The following POLDIP2 variants were observed in gnomAD, a reference collection of about 807,000 sequenced individuals.
POLDIP2 encodes the protein DNA polymerase delta interacting protein 2, also known as polymerase delta-interacting protein 2.
A neutral mutation model predicts 52.9 loss-of-function variants in POLDIP2; 32 were observed. The ratio of observed to expected loss-of-function variants is 0.61; its 90% CI spans 0.46 to 0.81. The LOEUF (loss-of-function observed/expected upper bound fraction) is 0.81. POLDIP2 is among the 40% of genes least tolerant of loss of function. POLDIP2 has a pLI of 0.00. For synonymous variants in POLDIP2, 183 were observed against 183.0 expected, an observed-to-expected ratio of 1.00 and a Z score of 0.00; for missense variants, 371 against 477.3, an observed-to-expected ratio of 0.78 and a Z score of 2.07.
chr17:28,354,217 A>C (rs1314566427), intron 3 of POLDIP2, among the ~76,000 whole-genome samples: 1 of 152,176 alleles, frequency 6.6e-6, no homozygotes, highest in East Asian at 1.9e-4. Flanking sequence ...GAAATCAAGA[A>C]GACTTGTCCC....
chr17:28,353,535 A>AAAAAAAAAAAAAAAAAAAAAAAAAAAACG (rs1907901347), intron 4 of POLDIP2, among the ~76,000 whole-genome samples, 160 bp downstream of exon 4: 2 of 147,434 alleles, frequency 1.4e-5, no homozygotes, highest in African/African-American at 2.5e-5. Context: ...AAAAAAAAAA[A>AAAAAAAAAAAAAAAAAAAAAAAAAAAACG]GACGTGAATC....
At chr17:28,355,905 AG>A in intron 1 of POLDIP2, 29 bp from the exon 2 acceptor site, 1 of 1,536,724 alleles carries the variant, frequency 6.5e-7, no homozygotes. Flanking sequence ...AACAAGCAAC[AG>A]AAAAGCTGAG....
chr17:28,351,186 A>G (rs1272909646), intron 7 of POLDIP2, among the ~76,000 whole-genome samples: 4 of 152,180 alleles, frequency 2.6e-5, no homozygotes, highest in African/African-American at 4.8e-5. Flanking sequence ...CTCCACTACT[A>G]TAAGGTCCTG....
chr17:28,355,556 G>C (rs1555580750), intron 2 of POLDIP2, among the ~76,000 whole-genome samples: 1 of 152,060 alleles, frequency 6.6e-6, no homozygotes, highest in Non-Finnish European at 1.5e-5. Context: ...GCAGTGAGCC[G>C]AGACCATGCC....
chr17:28,354,089 CTT>C (rs1370731783), intron 3 of POLDIP2, among the ~76,000 whole-genome samples: 6 of 152,206 alleles, frequency 3.9e-5, no homozygotes, highest in African/African-American at 7.2e-5. Context: ...CCAGAGTACT[CTT>C]GTCTTCTTAT....
chr17:28,357,206 G>GC (rs1908081844), intron 1 of POLDIP2, 82 bp downstream of exon 1: 2 of 1,302,138 alleles, frequency 1.5e-6, no homozygotes, highest in Non-Finnish European at 1.0e-6. Flanking sequence ...GCAGGCCCGG[G>GC]CCCCTGGCCT....
In POLDIP2 at chr17:28,357,396, G is replaced by A; in HGVS notation, c.53C>T (p.Ser18Phe). 1 of 1,524,302 alleles carries A rather than the reference G, an allele frequency of 6.6e-7. No individual in the cohort carries two copies. The highest frequency in any genetic ancestry group is 8.7e-7 in the Non-Finnish European group (1 of 1,146,010). 94.4% of individuals were successfully genotyped at this position (1,524,302 alleles called of 1,614,324 possible). The change falls in exon 1 of 11, where the codon TCC (serine) becomes TTC (phenylalanine). Residue 18 changes from serine (S) to phenylalanine (F), a missense_variant. By Grantham distance (155) the Ser-to-Phe change is radical. Coordinates refer to ENST00000540200, the MANE Select transcript of POLDIP2 (RefSeq NM_015584.5). Reference protein sequence around the residue: ...RALAVGSRWWSRSLTGARWPR... With the variant: ...RALAVGSRWWFRSLTGARWPR... ...CCACCGGGCCCCAGTCAGCGACCGGGACCACCAGCGGCTGCCCACGGCCAG... is the reference window on the plus strand; with the variant it reads ...CCACCGGGCCCCAGTCAGCGACCGGAACCACCAGCGGCTGCCCACGGCCAG...
intron 1 of POLDIP2, among the ~76,000 whole-genome samples, chr17:28,356,673 T>C (rs1908048090): frequency 1.3e-5 from 2 of 152,196 alleles, no homozygotes; most frequent in Admixed American, 6.5e-5. Context: ...CTGCTCTTTC[T>C]AGGGGCCCTT....
intron 1 of POLDIP2, among the ~76,000 whole-genome samples, chr17:28,356,819 C>T (rs1171026190): frequency 6.6e-6 from 1 of 152,226 alleles, no homozygotes; most frequent in African/African-American, 2.4e-5. Flanking sequence ...AAACCCCCTT[C>T]CCCAAGTCAC....
chr17:28,348,251 G>C lies in POLDIP2; in HGVS notation c.993-20C>G, dbSNP rs782726391. ...GTGCCCCTACAGTCAGAAAGAAGCT[G>C]GTTTAGAAGGAGCCAGGGCTGAGGC... On this transcript the variant is annotated intron_variant, in intron 10 of 10. Coordinates refer to ENST00000540200, the MANE Select transcript of POLDIP2 (RefSeq NM_015584.5). The C allele has an allele frequency of 1.3e-6, 2 of 1,562,740 alleles. No individual in the cohort carries two copies. Among genetic ancestry groups the C allele is most frequent in the African/African-American group, 1.4e-5 (1 of 73,886 alleles).
At chr17:28,356,511 C>T (rs1234122554) in intron 1 of POLDIP2, among the ~76,000 whole-genome samples, 2 of 152,166 alleles carry the variant, frequency 1.3e-5, no homozygotes, top group African/African-American at 2.4e-5. Flanking sequence ...AAAGCTTAAA[C>T]ATCTCTAGAT....
At chr17:28,354,454 G>A (rs1555580555) in intron 3 of POLDIP2, 34 bp downstream of exon 3, 4 of 1,423,932 alleles carry the variant, frequency 2.8e-6, no homozygotes, top group Non-Finnish European at 3.9e-6. Context: ...CTCCTCCTGA[G>A]GATACTGTGA....
At chr17:28,354,676 C>T in intron 2 of POLDIP2, 91 bp from the exon 3 acceptor site, 1 of 784,576 alleles carries the variant, frequency 1.3e-6, no homozygotes. Context: ...GTGGAGGCAA[C>T]TCCAGCACAA....
intron 3 of POLDIP2, among the ~76,000 whole-genome samples, chr17:28,354,245 T>C (rs1907930491): frequency 6.6e-6 from 1 of 152,172 alleles, no homozygotes; most frequent in Non-Finnish European, 1.5e-5. Flanking sequence ...CCCTCTGGGA[T>C]ACTCATAATG....
At chr17:28,351,565 T>G in intron 7 of POLDIP2, 99 bp downstream of exon 7, 3 of 1,127,748 alleles carry the variant, frequency 2.7e-6, no homozygotes, top group Non-Finnish European at 3.9e-6. Context: ...CACAGGGACA[T>G]GGTTTATATT....
At chr17:28,353,166 A>G (rs1555580332) in intron 5 of POLDIP2, 75 bp downstream of exon 5, 1 of 795,906 alleles carries the variant, frequency 1.3e-6, no homozygotes, top group African/African-American at 1.7e-5. Context: ...AGTGGATGAC[A>G]GGACATCAGA....
Position 28,353,323 on chromosome 17 carries a change from CA to C in POLDIP2, c.439-8del. 6.5e-7 allele frequency: 1 copy of C among 1,534,842 alleles called. No individual in the cohort carries two copies. Among genetic ancestry groups the C allele is most frequent in the Middle Eastern group, 1.7e-4 (1 of 5,924 alleles). On this transcript the variant is annotated splice_region_variant and splice_polypyrimidine_tract_variant and intron_variant, in intron 4 of 10. Coordinates refer to ENST00000540200, the MANE Select transcript of POLDIP2 (RefSeq NM_015584.5). ...CTGTCTGAGATCTCTGAGACTAAGG[CA>C]AGAAGTGAATCAGTGGTGAAACCAT...
intron 6 of POLDIP2, among the ~76,000 whole-genome samples, chr17:28,352,237 C>CTTTTTTTTTTTGTTTTTTTTTTT (rs1907823804): frequency 1.1e-5 from 1 of 87,682 alleles, no homozygotes; most frequent in African/African-American, 4.9e-5. Flanking sequence ...GGAATTATTT[C>CTTTTTTTTTTTGTTTTTTTTTTT]TTTTTTTTTT....
chr17:28,357,460 G>C lies in POLDIP2; in HGVS notation c.-12C>G, dbSNP rs2142402553. On this transcript the variant is annotated 5_prime_UTR_variant, in exon 1 of 11. Transcript: ENST00000540200. ...GTACAGGCTGCCATGTCCCGCCCGA[G>C]CGCCCGCCCGGCTGCTGACACAGAG... 7.0e-7 allele frequency: 1 copy of C among 1,430,388 alleles called. No homozygotes were observed. Among genetic ancestry groups the C allele is most frequent in the Middle Eastern group, 2.6e-4 (1 of 3,890 alleles). 88.6% of individuals were successfully genotyped at this position (1,430,388 alleles called of 1,614,324 possible).
Sources: allele counts gnomAD v4.1 joint callset (sites outside exome capture counted in the v4.1 genomes callset), GRCh38; gene constraint gnomAD v4.1.1; transcripts MANE v1.5; gene names NCBI Gene and HGNC (gene_info 2026-07-23, HGNC 2026-07-21).